Variants in CYP51A1 observed in about 807,000 individuals in gnomAD.
The protein encoded by CYP51A1 is cytochrome P450 family 51 subfamily A member 1.
CYP51A1 carries 45 observed loss-of-function variants against 53.5 expected under a neutral mutation model. The ratio of observed to expected loss-of-function variants is 0.84; its 90% CI spans 0.66 to 1.08. The LOEUF is 1.08. Among genes scored for constraint, CYP51A1 ranks in the 50% least tolerant of loss-of-function variants. The pLI, the probability that CYP51A1 is intolerant of heterozygous loss-of-function variation, is 0.00. For synonymous variants in CYP51A1, 181 were observed against 217.7 expected (o/e 0.83, Z 1.48); for missense variants, 462 against 621.7 (o/e 0.74, Z 2.73).
At chr7:92,116,936 C>A in intron 9 of CYP51A1, 108 bp downstream of exon 9, 2 of 1,147,170 alleles carry the variant, frequency 1.7e-6, no homozygotes, top group South Asian at 1.9e-5. Context: ...CAAAAATGTC[C>A]CTATGAGGAA....
In CYP51A1 at chr7:92,123,736, G is replaced by A. The variant is rs61735065; in HGVS notation, c.888C>T (p.Tyr296=). ...DILQTLLDAT[Y]KDGRPLTDDE... is the part of the protein sequence containing the mutation. ...TATGTTATCTGAATAGCTCTTACTT[G>A]TATGTAGCATCTAGTAAAGTTTGGA... Residue 296 remains tyrosine (Y), a splice_region_variant and synonymous_variant, in exon 6 of 10, where the codon TAC becomes TAT. Transcript: ENST00000003100. 3.5e-4 allele frequency: 554 copies of A among 1,603,642 alleles called. 2 individuals carry two copies. In the African/African-American group the frequency reaches 6.5e-3, roughly 19 times the overall value.
intron 1 of CYP51A1, 190 bp from the exon 2 acceptor site, chr7:92,132,062 G>T: frequency 4.7e-6 from 2 of 429,062 alleles, no homozygotes; most frequent in East Asian, 8.9e-5. Context: ...AGTAGCTATT[G>T]TAGAAAAGAA....
At chr7:92,131,690 T>C in intron 2 of CYP51A1, 84 bp downstream of exon 2, 2 of 713,526 alleles carry the variant, frequency 2.8e-6, no homozygotes, top group Non-Finnish European at 4.7e-6. Flanking sequence ...TGTTTTTAAA[T>C]GTTCTGCCAC....
rs1005472647 is a variant in CYP51A1, at chr7:92,134,455, G to A, written c.-91C>T. The A allele has an allele frequency of 5.1e-6, 7 of 1,377,284 alleles. No individual in the cohort carries two copies. Among genetic ancestry groups the A allele is most frequent in the South Asian group, 2.9e-5 (2 of 69,362 alleles). The allele number at this position is 1,377,284 out of a possible 1,614,324, so 85.3% of individuals were successfully genotyped here. On this transcript the variant is annotated 5_prime_UTR_variant, in exon 1 of 10. Transcript: ENST00000003100. ...AGCTGGCAGATGGTCGTCCACAGGG[G>A]GCCTTGCCCCAGGTCTCCTACTAAA...
chr7:92,126,349 A>G lies in CYP51A1; in HGVS notation c.674T>C (p.Leu225Pro). Reference sequence around the variant, plus strand: ...ATACAGCTGTGCTACCTTTTCATTGAGTTGACTTCTGATTTCCTTTCCATG... The same window carrying G: ...ATACAGCTGTGCTACCTTTTCATTGGGTTGACTTCTGATTTCCTTTCCATG... ...CLHGKEIRSQ[L>P]NEKVAQLYAD... Residue 225 changes from leucine (L) to proline (P), a missense_variant, in exon 5 of 10, where the codon CTC becomes CCC. By Grantham distance (98) the Leu-to-Pro change is moderately conservative (BLOSUM62 -3). Coordinates refer to ENST00000003100, the MANE Select transcript of CYP51A1 (RefSeq NM_000786.4). The G allele has an allele frequency of 3.1e-6, 5 of 1,613,382 alleles. No homozygotes were observed. The highest frequency in any genetic ancestry group is 4.2e-6 in the Non-Finnish European group (5 of 1,179,722).
At chr7:92,125,086 G>A (rs910898745) in intron 5 of CYP51A1, among the ~76,000 whole-genome samples, 1 of 149,312 alleles carries the variant, frequency 6.7e-6, no homozygotes. Flanking sequence ...AGAGCTTGCA[G>A]TGAGCCGAGC....
At chr7:92,127,753 A>C (rs1777734161) in intron 3 of CYP51A1, 122 bp from the exon 4 acceptor site, 3 of 982,336 alleles carry the variant, frequency 3.1e-6, no homozygotes, top group Admixed American at 4.8e-5. Flanking sequence ...CCCTTTGGGC[A>C]TTTACATTTT....
chr7:92,121,281 CAA>C (rs111668177), intron 7 of CYP51A1, among the ~76,000 whole-genome samples: 40 of 115,632 alleles, frequency 3.5e-4, no homozygotes, highest in African/African-American at 4.0e-4. Context: ...GACTCTGTCT[CAA>C]AAAAAAAAAA....
chr7:92,122,736 TA>T (rs1231303294), intron 7 of CYP51A1, among the ~76,000 whole-genome samples: 1 of 152,220 alleles, frequency 6.6e-6, no homozygotes, highest in Non-Finnish European at 1.5e-5. Flanking sequence ...CTACTACTTT[TA>T]GAAGTCTCTG....
At chr7:92,134,023 C>G in intron 1 of CYP51A1, 150 bp downstream of exon 1, 1 of 712,270 alleles carries the variant, frequency 1.4e-6, no homozygotes, top group Non-Finnish European at 2.2e-6. Context: ...CCCAGCGCGC[C>G]TGCCACCAAA....
intron 2 of CYP51A1, among the ~76,000 whole-genome samples, chr7:92,131,505 G>C (rs1289223615): frequency 6.6e-6 from 1 of 152,184 alleles, no homozygotes; most frequent in Non-Finnish European, 1.5e-5. Flanking sequence ...AGAAAACTCA[G>C]AACAGTGGCT....
chr7:92,125,822 CCT>C lies in CYP51A1; in HGVS notation c.770+429_770+430del, dbSNP rs545420320. Among the ~76,000 whole-genome samples the C allele has an allele frequency of 4.6e-5, 7 of 152,226 alleles. No homozygotes were observed. In the East Asian group the frequency reaches 1.4e-3, roughly 29 times the overall value. ...ACCAGCCTGGCCAACATGATGAAAC[CCT>C]GTCTCTACTAAAAATAGAAAAATTA... On this transcript the variant is annotated intron_variant, in intron 5 of 9. Transcript: ENST00000003100.
intron 9 of CYP51A1, among the ~76,000 whole-genome samples, chr7:92,114,676 C>T (rs1191901051): frequency 6.6e-6 from 1 of 152,168 alleles, no homozygotes; most frequent in Non-Finnish European, 1.5e-5. Flanking sequence ...AACCATGATG[C>T]TAACAGCATA....
At chr7:92,114,837 G>C (rs1819552931) in intron 9 of CYP51A1, among the ~76,000 whole-genome samples, 1 of 152,166 alleles carries the variant, frequency 6.6e-6, no homozygotes, top group South Asian at 2.1e-4. Flanking sequence ...AATGAATGTT[G>C]ACTTAAGATT....
At chr7:92,117,455 T>G (rs1819601024) in intron 8 of CYP51A1, 1 of 327,638 alleles carries the variant, frequency 3.1e-6, no homozygotes, top group Non-Finnish European at 5.6e-6. Flanking sequence ...AAAAATTATT[T>G]TAACTCAAGA....
chr7:92,131,474 T>C (rs1166354974), intron 2 of CYP51A1, among the ~76,000 whole-genome samples: 1 of 152,230 alleles, frequency 6.6e-6, no homozygotes, highest in Non-Finnish European at 1.5e-5. Context: ...TTAATATCAA[T>C]TTTAATGACA....
intron 6 of CYP51A1, among the ~76,000 whole-genome samples, 175 bp from the exon 7 acceptor site, chr7:92,123,490 C>T (rs1002636390): frequency 6.6e-6 from 1 of 152,126 alleles, no homozygotes; most frequent in African/African-American, 2.4e-5. Flanking sequence ...CAGCACAAAA[C>T]GATTTTGATT....
intron 3 of CYP51A1, among the ~76,000 whole-genome samples, chr7:92,127,888 C>T (rs1037387302): frequency 1.3e-5 from 2 of 152,286 alleles, no homozygotes; most frequent in South Asian, 2.1e-4. Context: ...TTCATTCCCT[C>T]ATTCCCCATC....
intron 3 of CYP51A1, among the ~76,000 whole-genome samples, chr7:92,128,449 TGTGTGTGCGC>T (rs1301120216): frequency 1.6e-4 from 23 of 147,586 alleles, no homozygotes; most frequent in Admixed American, 1.1e-3. Flanking sequence ...TGTGTGTGTG[TGTGTGTGCGC>T]GTGCGTGTGT....
Sources: allele counts gnomAD v4.1 joint callset (sites outside exome capture counted in the v4.1 genomes callset), GRCh38; gene constraint gnomAD v4.1.1; transcripts MANE v1.5; gene names NCBI Gene and HGNC (gene_info 2026-07-23, HGNC 2026-07-21).